Variants in MRAP2 observed in about 807,000 individuals in gnomAD.
The protein encoded by MRAP2 is melanocortin-2 receptor accessory protein 2.
In MRAP2, 20 loss-of-function variants were observed where a neutral mutation model predicts 17.4. The ratio of observed to expected loss-of-function variants is 1.15; its 90% confidence interval spans 0.81 to 1.67. The LOEUF is 1.67. Among genes scored for constraint, MRAP2 ranks in the 40% most tolerant of loss-of-function variants. MRAP2 has a pLI of 0.00. For missense variants in MRAP2, 238 were observed against 240.0 expected, an observed-to-expected ratio of 0.99 and a Z score of 0.05; for synonymous variants, 96 against 88.4, an observed-to-expected ratio of 1.09 and a Z score of -0.48.
At chr6:84,134,259 G>A in the MRAP2 span, among the ~76,000 whole-genome samples, 1 of 152,158 alleles carries the variant, frequency 6.6e-6, no homozygotes, top group African/African-American at 2.4e-5. Context: ...CTGGCAGTGA[G>A]AATTTCAAGC....
the MRAP2 span, chr6:84,125,220 T>C: frequency 2.5e-6 from 4 of 1,613,546 alleles, no homozygotes; most frequent in Admixed American, 1.7e-5. Flanking sequence ...GTCTTTTCCA[T>C]TTTTCAACTT....
the MRAP2 span, among the ~76,000 whole-genome samples, chr6:84,145,616 G>A: frequency 2.0e-5 from 3 of 151,952 alleles, no homozygotes; most frequent in Non-Finnish European, 2.9e-5. Flanking sequence ...CTAGATCTCT[G>A]TCTATAATTC....
At chr6:84,076,267 C>A (rs954592198) in intron 3 of MRAP2, among the ~76,000 whole-genome samples, 4 of 151,108 alleles carry the variant, frequency 2.6e-5, no homozygotes, top group Admixed American at 2.6e-4. Context: ...TCTGTCACCC[C>A]GGCTGAAGTG....
chr6:84,062,677 C>T, intron 2 of MRAP2: 1 of 985,402 alleles, frequency 1.0e-6, no homozygotes, highest in Non-Finnish European at 1.2e-6. Context: ...AGGCCTAAAT[C>T]CCTTCATGCT....
chr6:84,035,371 C>T (rs2099485704), intron 1 of MRAP2: 1 of 949,378 alleles, frequency 1.1e-6, no homozygotes, highest in Non-Finnish European at 1.3e-6. Flanking sequence ...CCTAGGGAAG[C>T]ATTTACAAAT....
intron 3 of MRAP2, among the ~76,000 whole-genome samples, chr6:84,065,108 A>T (rs2099494305): frequency 6.6e-6 from 1 of 152,092 alleles, no homozygotes; most frequent in Admixed American, 6.5e-5. Flanking sequence ...AACATGGCAA[A>T]ACCCTGTGTC....
Position 84,089,571 on chromosome 6 carries a change from G to T in MRAP2, c.*90G>T, listed in dbSNP as rs1444716154. The T allele has an allele frequency of 2.8e-6, 4 of 1,431,070 alleles. No homozygotes were observed. Among genetic ancestry groups the T allele is most frequent in the Non-Finnish European group, 3.8e-6 (4 of 1,051,084 alleles). 88.6% of individuals were successfully genotyped at this position (1,431,070 alleles called of 1,614,324 possible). The stretch of plus-strand genomic sequence containing the variant: ...ACATCCACCAAAATTGTGTGTGTTT[G>T]GGGGAGAGAGAGACATAGAGATAGA... On this transcript the variant is annotated 3_prime_UTR_variant, in exon 4 of 4. Transcript: ENST00000257776.
intron 3 of MRAP2, among the ~76,000 whole-genome samples, chr6:84,082,586 A>G (rs1291118103): frequency 6.6e-6 from 1 of 152,100 alleles, no homozygotes; most frequent in African/African-American, 2.4e-5. Flanking sequence ...GCATCTTCTT[A>G]CTTATAACTT....
At chr6:84,049,982 ATG>A (rs3028685) in intron 1 of MRAP2, among the ~76,000 whole-genome samples, 7 of 151,054 alleles carry the variant, frequency 4.6e-5, no homozygotes, top group South Asian at 2.1e-4. Context: ...GCGTGCATTC[ATG>A]TGTGTGTGTG....
chr6:84,107,004 C>A, the MRAP2 span, among the ~76,000 whole-genome samples: 1 of 152,120 alleles, frequency 6.6e-6, no homozygotes, highest in Non-Finnish European at 1.5e-5. Flanking sequence ...GCTGTAAAAT[C>A]GTAAAGGCTT....
At chr6:84,106,533 G>A in the MRAP2 span, among the ~76,000 whole-genome samples, 6 of 152,298 alleles carry the variant, frequency 3.9e-5, no homozygotes, top group South Asian at 1.0e-3. Context: ...AGGCTTTTGT[G>A]AGTGGAGGTC....
At chr6:84,068,648 T>C (rs1233347982) in intron 3 of MRAP2, among the ~76,000 whole-genome samples, 1 of 152,010 alleles carries the variant, frequency 6.6e-6, no homozygotes, top group Non-Finnish European at 1.5e-5. Flanking sequence ...TTTTTGTTTT[T>C]TTGTGTGTGT....
At chr6:84,134,052 T>G in the MRAP2 span, among the ~76,000 whole-genome samples, 1 of 152,214 alleles carries the variant, frequency 6.6e-6, no homozygotes, top group Admixed American at 6.5e-5. Flanking sequence ...AGAGATGCCC[T>G]GCCCAGAGAG....
chr6:84,114,164 G>A, the MRAP2 span, among the ~76,000 whole-genome samples: 1 of 152,168 alleles, frequency 6.6e-6, no homozygotes, highest in Non-Finnish European at 1.5e-5. Flanking sequence ...ATAATATCCT[G>A]AAGAGTGTTT....
At chr6:84,127,579 A>AT in the MRAP2 span, among the ~76,000 whole-genome samples, 2 of 152,158 alleles carry the variant, frequency 1.3e-5, no homozygotes, top group Admixed American at 1.3e-4. Context: ...TATTAAAATT[A>AT]TTTTTTAAAA....
chr6:84,127,245 C>T, the MRAP2 span, among the ~76,000 whole-genome samples: 30 of 152,114 alleles, frequency 2.0e-4, no homozygotes, highest in Admixed American at 1.2e-3. Flanking sequence ...CATCAAAAGG[C>T]AACAAAAACC....
chr6:84,144,495 A>G, the MRAP2 span, among the ~76,000 whole-genome samples: 2 of 152,102 alleles, frequency 1.3e-5, no homozygotes, highest in Non-Finnish European at 2.9e-5. Flanking sequence ...CAGATAGTTA[A>G]TTGTTTTACT....
At chr6:84,052,362 C>G (rs973582288) in intron 1 of MRAP2, among the ~76,000 whole-genome samples, 1 of 152,094 alleles carries the variant, frequency 6.6e-6, no homozygotes, top group African/African-American at 2.4e-5. Flanking sequence ...CACACTGTGG[C>G]GGGAATAGCA....
chr6:84,067,588 G>A (rs2099495075), intron 3 of MRAP2, among the ~76,000 whole-genome samples: 1 of 152,148 alleles, frequency 6.6e-6, no homozygotes. Context: ...GCAGGAGTAA[G>A]GTGATATCGC....
Sources: gnomAD v4.1 joint callset for allele counts (sites outside exome capture counted in the v4.1 genomes callset) on GRCh38, gnomAD v4.1.1 for gene constraint, MANE v1.5 for transcripts, NCBI Gene and HGNC (gene_info 2026-07-23, HGNC 2026-07-21) for gene names.